The following HNRNPAB variants were observed in gnomAD, a reference collection of about 807,000 sequenced individuals.
HNRNPAB encodes heterogeneous nuclear ribonucleoprotein A/B, also known as ABBP-1.
Under a neutral mutation model 44.1 loss-of-function variants are expected in HNRNPAB, and 17 were observed. That is an observed-to-expected ratio of 0.39 (90% CI 0.26 to 0.58). The LOEUF is 0.58. Among genes scored for constraint, HNRNPAB ranks in the 20% least tolerant of loss-of-function variants. The pLI is 0.63. For synonymous variants in HNRNPAB, 183 were observed against 167.6 expected, an observed-to-expected ratio of 1.09 and a Z score of -0.71; for missense variants, 393 against 432.7, an observed-to-expected ratio of 0.91 and a Z score of 0.81.
intron 3 of HNRNPAB, 119 bp from the exon 4 acceptor site, chr5:178,206,613 A>C: frequency 1.0e-6 from 1 of 981,194 alleles, no homozygotes; most frequent in Non-Finnish European, 1.5e-6. Context: ...AAGCTGGGGT[A>C]GAATTTGGAG....
chr5:178,210,494 C>G, intron 7 of HNRNPAB, 59 bp from the exon 8 acceptor site: 1 of 1,544,256 alleles, frequency 6.5e-7, no homozygotes. Flanking sequence ...GCATATCAAG[C>G]GCGTGGCACA....
chr5:178,206,703 G>A lies in HNRNPAB; in HGVS notation c.379-29G>A, dbSNP rs199896814. The A allele has an allele frequency of 9.0e-5, 145 of 1,610,572 alleles. No individual in the cohort carries two copies. The East Asian group carries it at 2.7e-3, about 29-fold the overall frequency. On this transcript the variant is annotated intron_variant, in intron 3 of 7. Coordinates refer to ENST00000358344, the MANE Select transcript of HNRNPAB (RefSeq NM_031266.3). ...GGCCTTGTCTGGCTCGTGCTGCTGAGTCAGCCTGACCCCTTTCTGTTGGAA... is the reference window on the plus strand; with the variant it reads ...GGCCTTGTCTGGCTCGTGCTGCTGAATCAGCCTGACCCCTTTCTGTTGGAA...
rs1372871042 is a variant in HNRNPAB, at chr5:178,205,874, C to A, written c.242C>A (p.Thr81Asn). The stretch of plus-strand genomic sequence containing the variant: ...TTCGTTGGTGGCCTGAGCTGGGATA[C>A]TAGCAAAAAAGATTTAAAAGACTAT... ...KMFVGGLSWDTSKKDLKDYFT... is the reference protein window; with the variant it reads ...KMFVGGLSWDNSKKDLKDYFT... The change falls in exon 3 of 8, where the codon ACT (threonine) becomes AAT (asparagine). Residue 81 changes from threonine to asparagine, a missense_variant. By Grantham distance (65) the Thr-to-Asn change is moderately conservative. This residue lies in a region of HNRNPAB where 102 missense variants were observed against 162.3 expected (regional missense o/e 0.63). Transcript: ENST00000358344. 1 of 1,614,010 alleles carries A rather than the reference C, an allele frequency of 6.2e-7. No homozygotes were observed. Among genetic ancestry groups the A allele is most frequent in the South Asian group, 1.1e-5 (1 of 91,078 alleles).
At chr5:178,205,564 G>A (rs977711538) in intron 2 of HNRNPAB, 2 of 339,784 alleles carry the variant, frequency 5.9e-6, no homozygotes, top group Admixed American at 8.3e-5. Flanking sequence ...TAGAACACAT[G>A]AATTTCCAGT....
intron 2 of HNRNPAB, 142 bp downstream of exon 2, chr5:178,205,188 G>A (rs1287613566): frequency 7.8e-6 from 4 of 513,028 alleles, no homozygotes; most frequent in Middle Eastern, 6.4e-4. Context: ...CTGCGTTCGC[G>A]GGCCGGGCCT....
In HNRNPAB at chr5:178,210,642, C is replaced by A; in HGVS notation, c.*19C>A. On this transcript the variant is annotated 3_prime_UTR_variant, in exon 8 of 8. Coordinates refer to ENST00000358344, the MANE Select transcript of HNRNPAB (RefSeq NM_031266.3). The stretch of plus-strand genomic sequence containing the variant: ...ATACTGAGGCGGCAGCAGGAGCGAC[C>A]AACTGATCGCACACATGCTTTGTTT... The A allele has an allele frequency of 6.3e-7, 1 of 1,587,020 alleles. No homozygotes were observed. The highest frequency in any genetic ancestry group is 8.7e-7 in the Non-Finnish European group (1 of 1,155,488).
rs567811153 is a variant in HNRNPAB, at chr5:178,210,247, C to T, written c.903C>T (p.Tyr301=). The change falls in exon 7 of 8, where the codon TAC becomes TAT. Residue 301 remains tyrosine (Y), a synonymous_variant. Coordinates refer to ENST00000358344, the MANE Select transcript of HNRNPAB (RefSeq NM_031266.3). ...ACGACTACTCGCCCTATGGCTATTA[C>T]GGCTACGGCCCCGGCTACGACTACA... is the stretch of plus-strand genomic sequence containing the variant. ...GGYDYSPYGY[Y]GYGPGYDYSQ... is the part of the protein sequence containing the mutation. 1.5e-5 allele frequency: 24 copies of T among 1,613,640 alleles called. No individual in the cohort carries two copies. The highest frequency in any genetic ancestry group is 1.0e-4 in the Admixed American group (6 of 59,996).
At chr5:178,209,080 C>T (rs903893711) in intron 5 of HNRNPAB, among the ~76,000 whole-genome samples, 3 of 152,192 alleles carry the variant, frequency 2.0e-5, no homozygotes, top group East Asian at 3.8e-4. Flanking sequence ...CCATTAGATA[C>T]GGAGTTGCTC....
chr5:178,210,334 T>TGTA lies in HNRNPAB; in HGVS notation c.928+64_928+66dup. On this transcript the variant is annotated intron_variant, in intron 7 of 7. Transcript: ENST00000358344. Reference sequence around the variant, plus strand: ...CTCGTCCCCAGGGGAGGCAGGACAGTGTAGGAGCCACTGGCAGCAGGGGCT... The same window carrying TGTA: ...CTCGTCCCCAGGGGAGGCAGGACAGTGTAGTAGGAGCCACTGGCAGCAGGGGCT... The TGTA allele has an allele frequency of 1.9e-6, 3 of 1,606,478 alleles. No homozygotes were observed. In the South Asian group the frequency reaches 3.3e-5, roughly 18 times the overall value.
At position 178,207,141 on chromosome 5, in the gene HNRNPAB, A is replaced by G. The variant is rs144008103; in HGVS notation, c.585A>G (p.Arg195=). The change falls in exon 5 of 8, where the codon CGA becomes CGG. Residue 195 remains arginine, a synonymous_variant. Coordinates refer to ENST00000358344, the MANE Select transcript of HNRNPAB (RefSeq NM_031266.3). ...TGGATCCAAAGTTGAACAAAAGACG[A>G]GGTTTTGTGTTTATCACCTTTAAAG... ...LPMDPKLNKR[R]GFVFITFKEE... 1.9e-6 allele frequency: 3 copies of G among 1,614,118 alleles called. No individual in the cohort carries two copies. The East Asian group carries it at 6.7e-5, about 36-fold the overall frequency.
At position 178,204,929 on chromosome 5, in the gene HNRNPAB, G is replaced by C; in HGVS notation, c.92G>C (p.Gly31Ala). The change falls in exon 2 of 8, where the codon GGG becomes GCG. Residue 31 changes from glycine to alanine, a missense_variant. Around this residue, in one of 3 missense-constraint regions of HNRNPAB, gnomAD observed 81 missense variants for 73.4 expected, o/e 1.10. Coordinates refer to ENST00000358344, the MANE Select transcript of HNRNPAB (RefSeq NM_031266.3). The part of the protein sequence containing the change: ...EAVPEGESPA[G>A]AGTGAAAGAG... ...GTCCCCGAAGGCGAGTCGCCGGCCG[G>C]GGCTGGCACGGGCGCCGCGGCGGGG... 1 of 1,210,504 alleles carries C rather than the reference G, an allele frequency of 8.3e-7. No homozygotes were observed. The highest frequency in any genetic ancestry group is 1.0e-6 in the Non-Finnish European group (1 of 974,216). 75.0% of individuals were successfully genotyped at this position (1,210,504 alleles called of 1,614,324 possible). A position where few individuals can be genotyped will look rare whatever the true frequency, so the allele number is the denominator to read the frequency against.
chr5:178,207,046 T>G, intron 4 of HNRNPAB, 48 bp from the exon 5 acceptor site: 1 of 1,609,516 alleles, frequency 6.2e-7, no homozygotes, highest in South Asian at 1.1e-5. Flanking sequence ...CCCTATATGC[T>G]CTGGGGTAGG....
intron 3 of HNRNPAB, 62 bp downstream of exon 3, chr5:178,206,072 C>G: frequency 6.8e-7 from 1 of 1,472,114 alleles, no homozygotes; most frequent in Non-Finnish European, 9.4e-7. Context: ...AAGAGGACAC[C>G]TTTCTTAAAG....
Position 178,204,813 on chromosome 5 carries a change from A to G in HNRNPAB, c.-23-2A>G. On this transcript the variant is annotated splice_acceptor_variant, in intron 1 of 7. Transcript: ENST00000358344. LOFTEE classifies it low-confidence loss of function (5UTR_SPLICE). ...CTGACGCGCTGTCGCCGCTGGTTGC[A>G]GGAGCCGCCGCGCCTCGGCCTAGCA... 1 of 1,209,240 alleles carries G rather than the reference A, an allele frequency of 8.3e-7. No individual in the cohort carries two copies. The highest frequency in any genetic ancestry group is 3.4e-5 in the East Asian group (1 of 29,350). The allele number at this position is 1,209,240 out of a possible 1,614,324, so 74.9% of individuals were successfully genotyped here. A position where few individuals can be genotyped will look rare whatever the true frequency, so the allele number is the denominator to read the frequency against.
intron 7 of HNRNPAB, 100 bp downstream of exon 7, chr5:178,210,372 AGGCCT>A: frequency 6.3e-7 from 1 of 1,589,826 alleles, no homozygotes; most frequent in South Asian, 1.1e-5. Context: ...GGAGTCAGAC[AGGCCT>A]GGCTCAGCCA....
chr5:178,206,842 T>C lies in HNRNPAB; in HGVS notation c.489T>C (p.Pro163=). The change falls in exon 4 of 8, where the codon CCT becomes CCC. Residue 163 remains proline, a synonymous_variant. Coordinates refer to ENST00000358344, the MANE Select transcript of HNRNPAB (RefSeq NM_031266.3). ...AAATCTTCGTTGGGGGTCTGAATCC[T>C]GAAGCCACTGAGGAAAAGATCAGGG... ...VKKIFVGGLN[P]EATEEKIREY... 1 of 1,614,186 alleles carries C rather than the reference T, an allele frequency of 6.2e-7. No individual in the cohort carries two copies. Among genetic ancestry groups the C allele is most frequent in the East Asian group, 2.2e-5 (1 of 44,884 alleles).
chr5:178,210,972 T>C lies in HNRNPAB; in HGVS notation c.*349T>C. 1 of 266,936 alleles carries C rather than the reference T, an allele frequency of 3.7e-6. No homozygotes were observed. Among genetic ancestry groups the C allele is most frequent in the Non-Finnish European group, 7.1e-6 (1 of 140,462 alleles). 16.5% of individuals were successfully genotyped at this position (266,936 alleles called of 1,614,324 possible). A position where few individuals can be genotyped will look rare whatever the true frequency, so the allele number is the denominator to read the frequency against. On this transcript the variant is annotated 3_prime_UTR_variant, in exon 8 of 8. Coordinates refer to ENST00000358344, the MANE Select transcript of HNRNPAB (RefSeq NM_031266.3). ...TGTATCTTAGGAAACCAGTGTCACC[T>C]TTTTTTCACCTTTTAATTTTATATT...
Position 178,210,936 on chromosome 5 carries a change from A to G in HNRNPAB, c.*313A>G. ...GCCTGGACCTGTGGACCCTGGTTGT[A>G]AAGAGTAAATTGTATCTTAGGAAAC... is the stretch of plus-strand genomic sequence containing the variant. On this transcript the variant is annotated 3_prime_UTR_variant, in exon 8 of 8. Coordinates refer to ENST00000358344, the MANE Select transcript of HNRNPAB (RefSeq NM_031266.3). 2.6e-6 allele frequency: 1 copy of G among 384,964 alleles called. No individual in the cohort carries two copies. Among genetic ancestry groups the G allele is most frequent in the Non-Finnish European group, 4.7e-6 (1 of 212,502 alleles). 23.8% of individuals were successfully genotyped at this position (384,964 alleles called of 1,614,324 possible). A position where few individuals can be genotyped will look rare whatever the true frequency, so the allele number is the denominator to read the frequency against.
At chr5:178,206,642 G>C in intron 3 of HNRNPAB, 90 bp from the exon 4 acceptor site, 3 of 1,276,016 alleles carry the variant, frequency 2.4e-6, no homozygotes, top group Non-Finnish European at 3.3e-6. Flanking sequence ...ACACATGTTT[G>C]TATCTGTACT....
Sources: allele counts gnomAD v4.1 joint callset (sites outside exome capture counted in the v4.1 genomes callset), GRCh38; gene constraint gnomAD v4.1.1; regional missense constraint gnomAD v4.1.1; transcripts MANE v1.5; gene names NCBI Gene and HGNC (gene_info 2026-07-23, HGNC 2026-07-21).